Variants in HEATR3 observed in about 807,000 individuals in gnomAD.
HEATR3 encodes the protein HEAT repeat containing 3.
A neutral mutation model predicts 72.8 loss-of-function variants in HEATR3; 56 were observed. The ratio of observed to expected loss-of-function variants is 0.77; its 90% CI spans 0.62 to 0.96. HEATR3 has a LOEUF of 0.96. Ranked by LOEUF, HEATR3 falls within the 40% of genes least tolerant of loss-of-function variation. The pLI is 0.00. For missense variants in HEATR3, 747 were observed against 831.4 expected (o/e 0.90, Z 1.25); for synonymous variants, 331 against 318.1 (o/e 1.04, Z -0.43).
intron 12 of HEATR3, among the ~76,000 whole-genome samples, chr16:50,096,163 A>G (rs550051367): frequency 2.0e-5 from 3 of 151,904 alleles, no homozygotes; most frequent in South Asian, 4.2e-4. Context: ...CGTCTCTACT[A>G]AAAATACAAA....
At position 50,083,917 on chromosome 16, in the gene HEATR3, C is replaced by CTTTT; in HGVS notation, c.1042-7_1042-4dup. 1.4e-6 allele frequency: 2 copies of CTTTT among 1,400,824 alleles called. No individual in the cohort carries two copies. The highest frequency in any genetic ancestry group is 2.9e-5 in the African/African-American group (2 of 67,988). 86.8% of individuals were successfully genotyped at this position (1,400,824 alleles called of 1,614,324 possible). A position where few individuals can be genotyped will look rare whatever the true frequency, so the allele number is the denominator to read the frequency against. On this transcript the variant is annotated intron_variant, in intron 7 of 14. Transcript: ENST00000299192. ...CCAACCATTGAGAGTTGGTCATTTA[C>CTTTT]TTTTTTTTTTTTTTTTAAGCCCACT... is the stretch of plus-strand genomic sequence containing the variant.
intron 12 of HEATR3, among the ~76,000 whole-genome samples, chr16:50,095,522 A>G (rs1381610933): frequency 1.3e-5 from 2 of 149,546 alleles, no homozygotes; most frequent in East Asian, 3.9e-4. Context: ...CACTTTTGCT[A>G]CTTTTTACTA....
intron 11 of HEATR3, among the ~76,000 whole-genome samples, chr16:50,092,216 G>C (rs1015903821): frequency 6.6e-6 from 1 of 151,570 alleles, no homozygotes; most frequent in Non-Finnish European, 1.5e-5. Context: ...CGTGCCTGTG[G>C]TCCCAGCTAC....
chr16:50,072,676 G>C lies in HEATR3; in HGVS notation c.584G>C (p.Ser195Thr). 6.2e-7 allele frequency: 1 copy of C among 1,607,404 alleles called. No homozygotes were observed. The highest frequency in any genetic ancestry group is 2.2e-5 in the East Asian group (1 of 44,812). Residue 195 changes from serine (S) to threonine (T), a missense_variant, in exon 5 of 15, where the codon AGT (serine) becomes ACT (threonine). Physicochemically the swap from Ser to Thr is moderately conservative, Grantham distance 58. This residue lies in a region of HEATR3 where 586 missense variants were observed against 708.8 expected (regional missense o/e 0.83). Transcript: ENST00000299192. ...GCLEIVLKYLSRFPTNVDLAI... is the reference protein window; with the variant it reads ...GCLEIVLKYLTRFPTNVDLAI... The stretch of plus-strand genomic sequence containing the variant: ...TTGGAGATTGTGTTAAAGTATTTAA[G>C]TAGGTTTCCTACCAATGTTGACCTG...
At chr16:50,079,110 A>T in intron 7 of HEATR3, 92 bp downstream of exon 7, 2 of 1,270,742 alleles carry the variant, frequency 1.6e-6, no homozygotes, top group Non-Finnish European at 2.2e-6. Flanking sequence ...ATGTTATAGC[A>T]AAATTAGCTA....
At chr16:50,094,657 G>A (rs1244350688) in intron 11 of HEATR3, 48 bp from the exon 12 acceptor site, 4 of 1,067,642 alleles carry the variant, frequency 3.7e-6, no homozygotes, top group Admixed American at 4.8e-5. Context: ...CTACAAAATA[G>A]CCTATCTTGG....
chr16:50,099,221 A>G (rs1306369773), intron 12 of HEATR3, among the ~76,000 whole-genome samples: 3 of 152,166 alleles, frequency 2.0e-5, no homozygotes, highest in East Asian at 1.9e-4. Flanking sequence ...TCTAGGGCCT[A>G]TAGGAATATC....
At chr16:50,100,877 T>A in intron 13 of HEATR3, 1 of 186,314 alleles carries the variant, frequency 5.4e-6, no homozygotes, top group Non-Finnish European at 1.1e-5. Flanking sequence ...TATTTGCTCT[T>A]ACCACTTAGC....
In HEATR3 at chr16:50,068,772, T is replaced by A; in HGVS notation, c.312-8T>A. 1.9e-6 allele frequency: 3 copies of A among 1,607,822 alleles called. No homozygotes were observed. The highest frequency in any genetic ancestry group is 1.7e-6 in the Non-Finnish European group (2 of 1,174,742). On this transcript the variant is annotated splice_region_variant and splice_polypyrimidine_tract_variant and intron_variant, in intron 2 of 14. Transcript: ENST00000299192. The stretch of plus-strand genomic sequence containing the variant: ...GAAAGTAAAACATGTTTTAAACTTC[T>A]TGTGTAGAAATCTCAGTGCTTGTGG...
chr16:50,103,574 G>A (rs945275921), intron 14 of HEATR3, among the ~76,000 whole-genome samples: 20 of 152,226 alleles, frequency 1.3e-4, no homozygotes, highest in Middle Eastern at 6.8e-3. Context: ...GCAGGTCCTC[G>A]GCCCCAACTC....
chr16:50,075,442 A>G (rs1461439595), intron 5 of HEATR3, 129 bp from the exon 6 acceptor site: 9 of 710,454 alleles, frequency 1.3e-5, no homozygotes, highest in South Asian at 5.5e-5. Context: ...TAAAGCATAT[A>G]TATTTTGCAA....
intron 12 of HEATR3, among the ~76,000 whole-genome samples, chr16:50,095,917 A>G (rs188864714): frequency 2.6e-5 from 4 of 152,226 alleles, no homozygotes; most frequent in Admixed American, 6.5e-5. Flanking sequence ...CCCCAGTACC[A>G]TTACCCCAAG....
chr16:50,105,179 A>G lies in HEATR3; in HGVS notation c.*118A>G, dbSNP rs1397919364. The G allele has an allele frequency of 1.7e-6, 2 of 1,188,144 alleles. No individual in the cohort carries two copies. The highest frequency in any genetic ancestry group is 2.5e-5 in the East Asian group (1 of 40,070). The allele number at this position is 1,188,144 out of a possible 1,614,324, so 73.6% of individuals were successfully genotyped here. On this transcript the variant is annotated 3_prime_UTR_variant, in exon 15 of 15. Coordinates refer to ENST00000299192, the MANE Select transcript of HEATR3 (RefSeq NM_182922.4). ...ATTTTTTAATGATTACATTCTGTAC[A>G]TTCTGTAAAAACTTCAAAACCTGGC...
intron 11 of HEATR3, among the ~76,000 whole-genome samples, chr16:50,086,557 G>A (rs1300061398): frequency 2.6e-5 from 4 of 152,220 alleles, no homozygotes; most frequent in East Asian, 1.9e-4. Context: ...TTTCTTTTTT[G>A]TTAAAATTGT....
At chr16:50,084,395 A>G (rs1211274865) in intron 9 of HEATR3, 104 bp downstream of exon 9, 23 of 1,385,480 alleles carry the variant, frequency 1.7e-5, no homozygotes, top group Middle Eastern at 2.1e-4. Flanking sequence ...CAGGTTGTAG[A>G]TGGTGGTAAG....
intron 14 of HEATR3, among the ~76,000 whole-genome samples, chr16:50,103,161 CA>C (rs375166250): frequency 1.8e-4 from 27 of 152,268 alleles, no homozygotes; most frequent in African/African-American, 6.3e-4. Context: ...TCAAGGAAAG[CA>C]GATATATTAA....
intron 14 of HEATR3, among the ~76,000 whole-genome samples, chr16:50,104,669 A>G (rs150112485): frequency 2.1e-4 from 32 of 152,328 alleles, no homozygotes; most frequent in African/African-American, 6.5e-4. Flanking sequence ...TTCCCAATTC[A>G]TGGTTTACAT....
At chr16:50,081,859 T>C (rs939952990) in intron 7 of HEATR3, among the ~76,000 whole-genome samples, 2 of 152,244 alleles carry the variant, frequency 1.3e-5, no homozygotes, top group African/African-American at 2.4e-5. Flanking sequence ...AAGTCTGGTC[T>C]ATTTGATTTC....
intron 12 of HEATR3, chr16:50,098,500 C>A (rs1179034427): frequency 1.3e-5 from 2 of 151,826 alleles, no homozygotes; most frequent in African/African-American, 4.8e-5. Flanking sequence ...TTAAAAAATA[C>A]AAAAAATTAG....
Sources: allele counts gnomAD v4.1 joint callset (sites outside exome capture counted in the v4.1 genomes callset), GRCh38; gene constraint gnomAD v4.1.1; regional missense constraint gnomAD v4.1.1; transcripts MANE v1.5; gene names NCBI Gene and HGNC (gene_info 2026-07-23, HGNC 2026-07-21).